Variants in ICE2 observed in about 807,000 individuals in gnomAD.
ICE2 encodes the protein little elongation complex subunit 2.
A neutral mutation model predicts 105.4 loss-of-function variants in ICE2; 87 were observed. The observed-to-expected ratio is 0.83, with a 90% CI of 0.69 to 0.99. The LOEUF (loss-of-function observed/expected upper bound fraction) is 0.99, where lower values mean the gene tolerates loss of function less well. Ranked by LOEUF, ICE2 falls within the 50% of genes least tolerant of loss-of-function variation. The pLI is 0.00. For synonymous variants in ICE2, 399 were observed against 392.0 expected (o/e 1.02, Z -0.21); for missense variants, 1,323 against 1,146.7 (o/e 1.15, Z -2.22).
At position 60,479,089 on chromosome 15, in the gene ICE2, A is replaced by G; in HGVS notation, c.-179T>C. On this transcript the variant is annotated 5_prime_UTR_variant, in exon 1 of 16. Coordinates refer to ENST00000261520, the MANE Select transcript of ICE2 (RefSeq NM_024611.6). Reference sequence around the variant, plus strand: ...CTCCTCACATTGTCGCGCGCGCCCAAAAAAGACCATATTTAAAGGATGTGG... The same window carrying G: ...CTCCTCACATTGTCGCGCGCGCCCAGAAAAGACCATATTTAAAGGATGTGG... The G allele has an allele frequency of 2.2e-6, 1 of 448,710 alleles. No individual in the cohort carries two copies. Among genetic ancestry groups the G allele is most frequent in the South Asian group, 1.6e-5 (1 of 64,204 alleles). 27.8% of individuals were successfully genotyped at this position (448,710 alleles called of 1,614,324 possible).
In ICE2 at chr15:60,478,999, C is replaced by T. The variant is rs2064855729; in HGVS notation, c.-93+4G>A. On this transcript the variant is annotated splice_donor_region_variant and intron_variant, in intron 1 of 15. Transcript: ENST00000261520. ...CTGGGCTGCAACACAGCCTTTCCGC[C>T]CACCTCATGGTCCGCGGCGGCTCTT... 8.8e-6 allele frequency: 4 copies of T among 455,912 alleles called. No homozygotes were observed. Among genetic ancestry groups the T allele is most frequent in the African/African-American group, 2.0e-5 (1 of 50,070 alleles). 28.2% of individuals were successfully genotyped at this position (455,912 alleles called of 1,614,324 possible). A position where few individuals can be genotyped will look rare whatever the true frequency, so the allele number is the denominator to read the frequency against.
rs769307389 is a variant in ICE2, at chr15:60,448,171, TA to T, written c.2120-27del. The T allele has an allele frequency of 1.2e-3, 1,732 of 1,447,746 alleles. 8 individuals are homozygous for T. Among genetic ancestry groups the T allele is most frequent in the South Asian group, 1.9e-3 (157 of 84,236 alleles). The allele number at this position is 1,447,746 out of a possible 1,614,324, so 89.7% of individuals were successfully genotyped here. A position where few individuals can be genotyped will look rare whatever the true frequency, so the allele number is the denominator to read the frequency against. On this transcript the variant is annotated intron_variant, in intron 10 of 15. Transcript: ENST00000261520. ...CTTTAAAAATAGTATTTCTCATTTT[TA>T]AAATACATTAGCTCTTACCCATCAT...
At chr15:60,460,645 T>C (rs926757616) in intron 5 of ICE2, among the ~76,000 whole-genome samples, 4 of 152,204 alleles carry the variant, frequency 2.6e-5, no homozygotes, top group African/African-American at 9.6e-5. Context: ...AGTGTTAGGC[T>C]GTCCAGTACA....
Position 60,430,169 on chromosome 15 carries a change from CAGA to C in ICE2, c.2562-1485_2562-1483del, listed in dbSNP as rs778224563. Among the ~76,000 whole-genome samples, 208 of 152,264 alleles carry C rather than the reference CAGA, an allele frequency of 1.4e-3. 1 individual carries two copies. Among genetic ancestry groups the C allele is most frequent in the Non-Finnish European group, 2.2e-3 (148 of 68,016 alleles). On this transcript the variant is annotated intron_variant, in intron 14 of 15. Coordinates refer to ENST00000261520, the MANE Select transcript of ICE2 (RefSeq NM_024611.6). Reference sequence around the variant, plus strand: ...TACTAATCACAAGAGCCCTTAAATACAGAAGAAGAAGGCAGAAGAGACTCAAAG... The same window carrying C: ...TACTAATCACAAGAGCCCTTAAATACAGAAGAAGGCAGAAGAGACTCAAAG...
intron 3 of ICE2, among the ~76,000 whole-genome samples, chr15:60,474,276 T>G (rs2064692375): frequency 6.6e-6 from 1 of 152,088 alleles, no homozygotes; most frequent in South Asian, 2.1e-4. Context: ...AAAAAAGCAC[T>G]TTTTTCTTTA....
rs1338287314 is a variant in ICE2, at chr15:60,423,369, G to A, written c.*265C>T. 1 of 226,790 alleles carries A rather than the reference G, an allele frequency of 4.4e-6. No homozygotes were observed. The highest frequency in any genetic ancestry group is 2.3e-5 in the African/African-American group (1 of 43,608). The allele number at this position is 226,790 out of a possible 1,614,324, so 14.0% of individuals were successfully genotyped here. On this transcript the variant is annotated 3_prime_UTR_variant, in exon 16 of 16. Transcript: ENST00000261520. ...TTACAATTTTTAGAAAAGGTTTAAT[G>A]TAAAAATATTTTTCTTCTTTATATA...
rs1385667436 is a variant in ICE2 at position 60,421,070 on chromosome 15, G to C, written c.*2564C>G. The C allele has an allele frequency of 6.6e-6, 1 of 152,124 alleles. No homozygotes were observed. The highest frequency in any genetic ancestry group is 1.5e-5 in the Non-Finnish European group (1 of 68,032). 9.4% of individuals were successfully genotyped at this position (152,124 alleles called of 1,614,324 possible). ...AGAATAACTGTGGGGACCTACTTTG[G>C]AGTGCATGGCACATAGTTGCACTCA... On this transcript the variant is annotated 3_prime_UTR_variant, in exon 16 of 16. Coordinates refer to ENST00000261520, the MANE Select transcript of ICE2 (RefSeq NM_024611.6).
chr15:60,472,205 T>G (rs1186369146), intron 3 of ICE2, among the ~76,000 whole-genome samples: 1 of 152,154 alleles, frequency 6.6e-6, no homozygotes, highest in East Asian at 1.9e-4. Context: ...ATTAACTTTT[T>G]ATATTATTCA....
intron 9 of ICE2, among the ~76,000 whole-genome samples, chr15:60,450,728 C>G (rs949047906): frequency 6.6e-6 from 1 of 152,174 alleles, no homozygotes; most frequent in Non-Finnish European, 1.5e-5. Flanking sequence ...ATCTCTAAAA[C>G]AGGTACAGCA....
At position 60,431,915 on chromosome 15, in the gene ICE2, A is replaced by C. The variant is rs2063468534; in HGVS notation, c.2561+19T>G. The C allele has an allele frequency of 7.8e-7, 1 of 1,283,636 alleles. No homozygotes were observed. Among genetic ancestry groups the C allele is most frequent in the East Asian group, 2.5e-5 (1 of 40,548 alleles). The allele number at this position is 1,283,636 out of a possible 1,614,324, so 79.5% of individuals were successfully genotyped here. On this transcript the variant is annotated intron_variant, in intron 14 of 15. Transcript: ENST00000261520. The stretch of plus-strand genomic sequence containing the variant: ...AGAAAATCAGATGTATCAAAGCAAA[A>C]TGCCTAAAAAATACTTACCTACTTA...
chr15:60,459,183 A>T (rs2064207053), intron 5 of ICE2, among the ~76,000 whole-genome samples: 1 of 152,204 alleles, frequency 6.6e-6, no homozygotes, highest in South Asian at 2.1e-4. Context: ...GAACTAATGG[A>T]GGCTATAAAT....
At chr15:60,462,615 A>C (rs1177942229) in intron 5 of ICE2, among the ~76,000 whole-genome samples, 2 of 152,192 alleles carry the variant, frequency 1.3e-5, no homozygotes, top group African/African-American at 4.8e-5. Flanking sequence ...AAGTTTTTGT[A>C]TTTGGAATAT....
intron 5 of ICE2, among the ~76,000 whole-genome samples, chr15:60,466,027 G>C (rs576301280): frequency 1.3e-4 from 20 of 152,144 alleles, no homozygotes; most frequent in African/African-American, 3.9e-4. Context: ...GCTGGGATTA[G>C]AGGTGTGAGC....
chr15:60,460,636 G>A (rs1186250153), intron 5 of ICE2, among the ~76,000 whole-genome samples: 1 of 152,160 alleles, frequency 6.6e-6, no homozygotes, highest in Non-Finnish European at 1.5e-5. Flanking sequence ...ATTCTTTGTA[G>A]TGTTAGGCTG....
Position 60,453,622 on chromosome 15 carries a change from T to A in ICE2, c.1106A>T (p.Glu369Val). ...ACATACGTCCATTTCAGATATAAAC[T>A]CTTCAGGTTTGTCCATAAAGACTGC... is the stretch of plus-strand genomic sequence containing the variant. ...VSAVFMDKPE[E>V]FISEMDMSCE... Residue 369 changes from glutamate to valine, a missense_variant, in exon 9 of 16, where the codon GAG (glutamate) becomes GTG (valine). Transcript: ENST00000261520. 6.2e-7 allele frequency: 1 copy of A among 1,613,258 alleles called. No homozygotes were observed.
At chr15:60,434,119 T>C (rs1283756899) in intron 13 of ICE2, among the ~76,000 whole-genome samples, 2 of 152,214 alleles carry the variant, frequency 1.3e-5, no homozygotes, top group Non-Finnish European at 2.9e-5. Flanking sequence ...CACTCTAATA[T>C]TTCCTCATAT....
At chr15:60,443,204 G>A (rs1384736695) in intron 11 of ICE2, 1 of 152,190 alleles carries the variant, frequency 6.6e-6, no homozygotes, top group Non-Finnish European at 1.5e-5. Context: ...GGGAGCGTAA[G>A]CAAAGAAATA....
chr15:60,455,586 G>A (rs1265544559), intron 6 of ICE2, 144 bp from the exon 7 acceptor site: 3 of 604,532 alleles, frequency 5.0e-6, no homozygotes, highest in South Asian at 4.4e-5. Context: ...TTTATGCCAA[G>A]ATATTCATGT....
chr15:60,471,179 T>C (rs1169472974), intron 3 of ICE2, among the ~76,000 whole-genome samples: 3 of 152,134 alleles, frequency 2.0e-5, no homozygotes, highest in African/African-American at 4.8e-5. Context: ...GATAAGGGGA[T>C]GAGAGAAGAA....
Sources: allele counts gnomAD v4.1 joint callset (sites outside exome capture counted in the v4.1 genomes callset), GRCh38; gene constraint gnomAD v4.1.1; transcripts MANE v1.5; gene names NCBI Gene and HGNC (gene_info 2026-07-23, HGNC 2026-07-21).